Variants in RANBP2 observed in about 807,000 individuals in gnomAD.
RANBP2 encodes the protein E3 SUMO-protein ligase RanBP2.
A neutral mutation model predicts 303.6 loss-of-function variants in RANBP2; 57 were observed. That is an observed-to-expected ratio of 0.19 (90% CI 0.15 to 0.23). RANBP2 has a LOEUF of 0.23. RANBP2 is among the 10% of genes least tolerant of loss of function. The pLI is 1.00. For missense variants in RANBP2, 3,138 were observed against 3,780.8 expected, an observed-to-expected ratio of 0.83 and a Z score of 4.46; for synonymous variants, 1,167 against 1,301.5, an observed-to-expected ratio of 0.90 and a Z score of 2.23.
the RANBP2 span, among the ~76,000 whole-genome samples, chr2:108,905,438 A>C: frequency 1.3e-5 from 2 of 149,892 alleles, no homozygotes; most frequent in Non-Finnish European, 2.9e-5. Flanking sequence ...TGGCCCTGGA[A>C]CTCACCCACA....
At chr2:108,832,348 T>C in the RANBP2 span, among the ~76,000 whole-genome samples, 554 of 141,916 alleles carry the variant, frequency 3.9e-3, 4 homozygotes, top group East Asian at 0.014. Context: ...TTCTTTCTTT[T>C]TTTTTTTTTT....
chr2:109,279,833 G>T, the RANBP2 span, among the ~76,000 whole-genome samples: 1 of 152,188 alleles, frequency 6.6e-6, no homozygotes, highest in Non-Finnish European at 1.5e-5. Flanking sequence ...GGAGTGTGGG[G>T]GCTGGTGGGG....
At chr2:109,251,774 C>A in the RANBP2 span, 6 of 526,044 alleles carry the variant, frequency 1.1e-5, no homozygotes, top group African/African-American at 1.9e-5. Context: ...TTGTAATAGT[C>A]AAAAAAAGAA....
At chr2:109,026,170 C>T in the RANBP2 span, among the ~76,000 whole-genome samples, 1 of 152,060 alleles carries the variant, frequency 6.6e-6, no homozygotes, top group Admixed American at 6.5e-5. Context: ...GAGAAAGGGT[C>T]TCACTCTGTC....
the RANBP2 span, among the ~76,000 whole-genome samples, chr2:109,661,473 C>G: frequency 6.6e-6 from 1 of 152,132 alleles, no homozygotes; most frequent in South Asian, 2.1e-4. Context: ...CTCTCGAACT[C>G]CTGACCTCGT....
the RANBP2 span, among the ~76,000 whole-genome samples, chr2:109,272,125 G>A: frequency 2.0e-5 from 3 of 152,166 alleles, no homozygotes; most frequent in African/African-American, 4.8e-5. Flanking sequence ...GCCAGCTGTC[G>A]GAGCTGGACT....
the RANBP2 span, among the ~76,000 whole-genome samples, chr2:109,703,607 T>A: frequency 6.6e-6 from 1 of 152,288 alleles, no homozygotes; most frequent in African/African-American, 2.4e-5. Context: ...TTTTGTATTT[T>A]TAGTAGAGAT....
the RANBP2 span, among the ~76,000 whole-genome samples, chr2:109,633,492 A>G: frequency 6.6e-6 from 1 of 152,192 alleles, no homozygotes; most frequent in Non-Finnish European, 1.5e-5. Flanking sequence ...AACAGGCAGG[A>G]AATGATGCTG....
At chr2:108,789,519 G>A (rs748967615), downstream of RANBP2, among the ~76,000 whole-genome samples, 5 of 152,204 alleles carry the variant, frequency 3.3e-5, no homozygotes, top group African/African-American at 9.7e-5. Context: ...ACTTGAACCC[G>A]GGAGGTGGAG....
chr2:108,740,401 A>C, intron 6 of RANBP2, 88 bp from the exon 7 acceptor site: 2 of 1,577,358 alleles, frequency 1.3e-6, no homozygotes, highest in Non-Finnish European at 1.7e-6. Context: ...CTTGAAATAA[A>C]ATTTTTATTT....
chr2:109,412,272 T>G, the RANBP2 span, among the ~76,000 whole-genome samples: 1 of 152,334 alleles, frequency 6.6e-6, no homozygotes, highest in Non-Finnish European at 1.5e-5. Flanking sequence ...ATTGCCCCCC[T>G]TTCATTGGAG....
chr2:109,454,341 C>G, the RANBP2 span, among the ~76,000 whole-genome samples: 1 of 152,164 alleles, frequency 6.6e-6, no homozygotes, highest in African/African-American at 2.4e-5. Context: ...GTGGGGTGAC[C>G]CGAACCTTCA....
At chr2:109,352,780 T>G in the RANBP2 span, among the ~76,000 whole-genome samples, 1 of 152,202 alleles carries the variant, frequency 6.6e-6, no homozygotes, top group African/African-American at 2.4e-5. Flanking sequence ...GAGGCTCAAC[T>G]CGCAGGGCAC....
chr2:109,057,449 T>C, the RANBP2 span, among the ~76,000 whole-genome samples: 1 of 152,342 alleles, frequency 6.6e-6, no homozygotes, highest in Non-Finnish European at 1.5e-5. Flanking sequence ...AGGATTATTG[T>C]CATCTAATAA....
the RANBP2 span, among the ~76,000 whole-genome samples, chr2:109,664,684 C>T: frequency 1.3e-5 from 2 of 152,052 alleles, no homozygotes; most frequent in African/African-American, 2.4e-5. Flanking sequence ...AATCCCAGCA[C>T]TTTGGAAGGC....
chr2:109,664,997 C>T, the RANBP2 span, among the ~76,000 whole-genome samples: 1 of 151,642 alleles, frequency 6.6e-6, no homozygotes, highest in African/African-American at 2.4e-5. Context: ...TGCATACCTA[C>T]ACATAGAAAA....
chr2:109,735,580 A>G, the RANBP2 span, among the ~76,000 whole-genome samples: 1 of 152,310 alleles, frequency 6.6e-6, no homozygotes, highest in African/African-American at 2.4e-5. Context: ...AAAAGAGAAA[A>G]ACCAGTGAGT....
the RANBP2 span, among the ~76,000 whole-genome samples, chr2:108,970,496 G>A: frequency 6.6e-6 from 1 of 152,156 alleles, no homozygotes; most frequent in Non-Finnish European, 1.5e-5. Context: ...GACACTGAGT[G>A]GAGATGGTCT....
At chr2:109,454,685 CAG>C in the RANBP2 span, among the ~76,000 whole-genome samples, 14 of 152,126 alleles carry the variant, frequency 9.2e-5, no homozygotes, top group Admixed American at 6.5e-4. Flanking sequence ...CAGAATGAAA[CAG>C]GGTAGGATAG....
Sources: allele counts gnomAD v4.1 joint callset (sites outside exome capture counted in the v4.1 genomes callset), GRCh38; gene constraint gnomAD v4.1.1; transcripts MANE v1.5; gene names NCBI Gene and HGNC (gene_info 2026-07-23, HGNC 2026-07-21).